ADAMTS2: variants seen among roughly 807,000 people sequenced by gnomAD.
ADAMTS2 encodes ADAM metallopeptidase with thrombospondin type 1 motif 2, also known as A disintegrin and metalloproteinase with thrombospondin motifs 2.
In ADAMTS2, 50 loss-of-function variants were observed where a neutral mutation model predicts 123.0. The ratio of observed to expected loss-of-function variants is 0.41; its 90% CI spans 0.32 to 0.51. The LOEUF is 0.51. Ranked by LOEUF, ADAMTS2 falls within the 20% of genes least tolerant of loss-of-function variation. The probability of loss-of-function intolerance (pLI) is 0.35; values close to 1 mark genes in which losing one functional copy is unlikely to be tolerated. For synonymous variants in ADAMTS2, 678 were observed against 695.4 expected (o/e 0.98, Z 0.39); for missense variants, 1,494 against 1,705.2 (o/e 0.88, Z 2.18).
intron 2 of ADAMTS2, among the ~76,000 whole-genome samples, chr5:179,300,566 G>A (rs76023421): frequency 0.012 from 1,828 of 152,174 alleles, 33 homozygotes; most frequent in African/African-American, 0.042. Context: ...TTTTGTCCCC[G>A]TCCCCCTGAC....
intron 17 of ADAMTS2, 27 bp downstream of exon 17, chr5:179,127,932 A>T (rs367706210): frequency 5.6e-6 from 9 of 1,612,450 alleles, no homozygotes; most frequent in Admixed American, 3.3e-5. Context: ...CATGTCACCC[A>T]GGTCCCCAGC....
intron 7 of ADAMTS2, 118 bp downstream of exon 7, chr5:179,154,696 C>G: frequency 1.2e-6 from 1 of 837,526 alleles, no homozygotes; most frequent in South Asian, 1.6e-5. Context: ...GGAGACCACA[C>G]CCCAAGTGGC....
At chr5:179,335,033 C>G (rs1036046737) in intron 2 of ADAMTS2, among the ~76,000 whole-genome samples, 1 of 152,022 alleles carries the variant, frequency 6.6e-6, no homozygotes, top group South Asian at 2.1e-4. Context: ...ATCAAATTCA[C>G]GAGGGATTTT....
At chr5:179,310,648 C>T (rs986159513) in intron 2 of ADAMTS2, among the ~76,000 whole-genome samples, 1 of 152,296 alleles carries the variant, frequency 6.6e-6, no homozygotes, top group Admixed American at 6.5e-5. Flanking sequence ...GTTAGAGATG[C>T]TGAATCCAGG....
Position 179,197,409 on chromosome 5 carries a change from T to G in ADAMTS2, c.891+10104A>C, listed in dbSNP as rs1027544437. On this transcript the variant is annotated intron_variant, in intron 4 of 21. Transcript: ENST00000251582. This position sits in a 1 kb window ranked among gnomAD's most constrained non-coding sequence, Gnocchi z 4.2. ...GGCCCAAGCTTTATATTTCTTGAAG[T>G]CTTGGCACAGATAGATTTTACTTTT... 7.9e-5 allele frequency among the ~76,000 whole-genome samples: 12 copies of G among 152,200 alleles called. No homozygotes were observed. The highest frequency in any genetic ancestry group is 1.5e-4 in the Non-Finnish European group (10 of 68,032).
At chr5:179,123,059 G>A (rs543347591) in intron 19 of ADAMTS2, among the ~76,000 whole-genome samples, 1 of 152,358 alleles carries the variant, frequency 6.6e-6, no homozygotes, top group East Asian at 1.9e-4. Flanking sequence ...CTCAGTGACA[G>A]CCTCACTTCT....
In ADAMTS2 at chr5:179,225,969, C is replaced by T. The variant is rs555433937; in HGVS notation, c.689-18254G>A. ...AAAGAGCACATGCAGCACACGCCCACTGGGGCTTCAGGGGCTGCAAACATT... is the reference window on the plus strand; with the variant it reads ...AAAGAGCACATGCAGCACACGCCCATTGGGGCTTCAGGGGCTGCAAACATT... On this transcript the variant is annotated intron_variant, in intron 3 of 21. Coordinates refer to ENST00000251582, the MANE Select transcript of ADAMTS2 (RefSeq NM_014244.5). This position sits in a 1 kb window ranked among gnomAD's most constrained non-coding sequence, Gnocchi z 4.5. 6.6e-6 allele frequency among the ~76,000 whole-genome samples: 1 copy of T among 152,310 alleles called. No individual in the cohort carries two copies. The highest frequency in any genetic ancestry group is 6.5e-5 in the Admixed American group (1 of 15,302).
chr5:179,245,075 A>C (rs976353364), intron 3 of ADAMTS2, among the ~76,000 whole-genome samples: 8 of 152,322 alleles, frequency 5.3e-5, no homozygotes, highest in African/African-American at 1.9e-4. Context: ...TAAAATATTG[A>C]AATTATCCTG....
intron 1 of ADAMTS2, among the ~76,000 whole-genome samples, chr5:179,344,490 G>A (rs1283850450): frequency 2.0e-5 from 3 of 152,192 alleles, no homozygotes; most frequent in Non-Finnish European, 4.4e-5. Flanking sequence ...CCGTCAGAGA[G>A]TCCCCCGACC....
At position 179,309,757 on chromosome 5, in the gene ADAMTS2, C is replaced by CAAAAAA. The variant is rs34487269; in HGVS notation, c.534+34004_534+34009dup. 5.5e-3 allele frequency among the ~76,000 whole-genome samples: 244 copies of CAAAAAA among 44,474 alleles called. 5 individuals carry two copies. The highest frequency in any genetic ancestry group is 8.9e-3 in the Non-Finnish European group (204 of 22,892). The allele number at this position is 44,474 out of a possible 152,430, so 29.2% of individuals were successfully genotyped here. A position where few individuals can be genotyped will look rare whatever the true frequency, so the allele number is the denominator to read the frequency against. On this transcript the variant is annotated intron_variant, in intron 2 of 21. Transcript: ENST00000251582. Reference sequence around the variant, plus strand: ...GGGCAACACAGCAAGACTCAGTCTCCAAAAAAAAAAAAAAAAAAAAAAAAA... The same window carrying CAAAAAA: ...GGGCAACACAGCAAGACTCAGTCTCCAAAAAAAAAAAAAAAAAAAAAAAAAAAAAAA...
Position 179,303,531 on chromosome 5 carries a change from G to A in ADAMTS2, c.535-30467C>T, listed in dbSNP as rs548535714. On this transcript the variant is annotated intron_variant, in intron 2 of 21. Transcript: ENST00000251582. This position sits in a 1 kb window ranked among gnomAD's most constrained non-coding sequence, Gnocchi z 4.7. ...ACAAGGCAGGTCAAACTCCAGAAGC[G>A]GGCACTGGGTACAGACAGACAGAGC... Among the ~76,000 whole-genome samples the A allele has an allele frequency of 1.0e-3, 155 of 152,342 alleles. No homozygotes were observed. The highest frequency in any genetic ancestry group is 3.0e-3 in the African/African-American group (125 of 41,586).
intron 2 of ADAMTS2, among the ~76,000 whole-genome samples, chr5:179,282,501 T>G (rs1474589330): frequency 3.9e-5 from 6 of 152,234 alleles, no homozygotes; most frequent in Non-Finnish European, 7.3e-5. Flanking sequence ...TCTATCCTTC[T>G]GCCAACACCA....
chr5:179,247,918 C>T (rs1765841097), intron 3 of ADAMTS2, among the ~76,000 whole-genome samples: 1 of 152,132 alleles, frequency 6.6e-6, no homozygotes, highest in Admixed American at 6.6e-5. Flanking sequence ...AAGACAGTAA[C>T]TCAAAGCCAT....
chr5:179,238,953 G>A (rs115830792), intron 3 of ADAMTS2, among the ~76,000 whole-genome samples: 7,044 of 152,224 alleles, frequency 0.046, 221 homozygotes, highest in Non-Finnish European at 0.075. Context: ...GGCAGGAAGT[G>A]GATGAATGGT....
chr5:179,237,619 T>G (rs1366194257), intron 3 of ADAMTS2, among the ~76,000 whole-genome samples: 1 of 152,092 alleles, frequency 6.6e-6, no homozygotes, highest in African/African-American at 2.4e-5. Flanking sequence ...CTGGGGGAGA[T>G]GAGGCGATGT....
At chr5:179,329,204 G>GT (rs1020261096) in intron 2 of ADAMTS2, among the ~76,000 whole-genome samples, 7 of 151,982 alleles carry the variant, frequency 4.6e-5, no homozygotes, top group Non-Finnish European at 1.0e-4. Context: ...GCGGGCGCCT[G>GT]TAGTCCCAGC....
intron 2 of ADAMTS2, chr5:179,341,242 C>T (rs901275670): frequency 2.8e-4 from 73 of 262,900 alleles, no homozygotes; most frequent in Non-Finnish European, 9.9e-5. Flanking sequence ...AAAGAAGAGG[C>T]CGGGCGCGGT....
Position 179,152,122 on chromosome 5 carries a change from A to G in ADAMTS2, c.1629+20T>C. 3.1e-6 allele frequency: 5 copies of G among 1,603,166 alleles called. No individual in the cohort carries two copies. The highest frequency in any genetic ancestry group is 3.4e-6 in the Non-Finnish European group (4 of 1,170,348). ...GTCCTCTGCCCTGCTGCCCTCCAAG[A>G]GCCCTTGATGCTGCCTCACCTTGCC... On this transcript the variant is annotated intron_variant, in intron 10 of 21. Transcript: ENST00000251582.
chr5:179,316,924 G>A (rs1256119714), intron 2 of ADAMTS2, among the ~76,000 whole-genome samples: 3 of 152,026 alleles, frequency 2.0e-5, no homozygotes, highest in African/African-American at 7.2e-5. Context: ...CCGGGAGAGA[G>A]CAAGACCCTG....
Sources: allele counts gnomAD v4.1 joint callset (sites outside exome capture counted in the v4.1 genomes callset), GRCh38; gene constraint gnomAD v4.1.1; non-coding constraint Gnocchi (gnomAD v3.1); transcripts MANE v1.5; gene names NCBI Gene and HGNC (gene_info 2026-07-23, HGNC 2026-07-21).